The following SH3BP5 variants were observed in gnomAD, a reference collection of about 807,000 sequenced individuals.
SH3BP5 encodes SH3 domain binding protein 5, also known as SH3 domain-binding protein 5.
SH3BP5 carries 22 observed loss-of-function variants against 43.3 expected under a neutral mutation model. The ratio of observed to expected loss-of-function variants is 0.51; its 90% CI spans 0.36 to 0.73. The LOEUF (loss-of-function observed/expected upper bound fraction) is 0.73, where lower values mean the gene tolerates loss of function less well. Ranked by LOEUF, SH3BP5 falls within the 30% of genes least tolerant of loss-of-function variation. The probability of loss-of-function intolerance (pLI) is 0.00; values close to 1 mark genes in which losing one functional copy is unlikely to be tolerated. For missense variants in SH3BP5, 529 were observed against 586.9 expected (o/e 0.90, Z 1.02); for synonymous variants, 255 against 225.8 (o/e 1.13, Z -1.16).
chr3:15,320,162 G>A (rs1327726024), intron 2 of SH3BP5, among the ~76,000 whole-genome samples: 2 of 152,164 alleles, frequency 1.3e-5, no homozygotes, highest in Non-Finnish European at 2.9e-5. Flanking sequence ...CATTCATCAT[G>A]CTTTGGTTGG....
chr3:15,328,147 C>T (rs1354197477), intron 2 of SH3BP5, among the ~76,000 whole-genome samples: 1 of 152,146 alleles, frequency 6.6e-6, no homozygotes, highest in African/African-American at 2.4e-5. Context: ...GGCCACCCCC[C>T]TCACACCCTC....
At chr3:15,259,212 C>T (rs1696338453) in intron 6 of SH3BP5, 162 bp from the exon 7 acceptor site, 1 of 637,066 alleles carries the variant, frequency 1.6e-6, no homozygotes, top group Non-Finnish European at 2.7e-6. Flanking sequence ...TATTCATTCA[C>T]CAGACAAAAT....
intron 3 of SH3BP5, among the ~76,000 whole-genome samples, chr3:15,284,931 G>C (rs1697224780): frequency 6.6e-6 from 1 of 152,146 alleles, no homozygotes; most frequent in South Asian, 2.1e-4. Flanking sequence ...CCAGACCCAG[G>C]ACCTTTGGAG....
At chr3:15,306,311 A>G (rs960786158) in intron 2 of SH3BP5, among the ~76,000 whole-genome samples, 1 of 152,174 alleles carries the variant, frequency 6.6e-6, no homozygotes, top group African/African-American at 2.4e-5. Flanking sequence ...GTGAGCTAAG[A>G]TCGCGCCACT....
At chr3:15,332,201 T>A (rs1698629144) in intron 1 of SH3BP5, 70 bp downstream of exon 1, 3 of 1,542,004 alleles carry the variant, frequency 1.9e-6, no homozygotes, top group Admixed American at 1.9e-5. Flanking sequence ...GAAGTGGCTG[T>A]ACGCGTAGAC....
intron 3 of SH3BP5, among the ~76,000 whole-genome samples, chr3:15,296,148 T>C (rs1697562613): frequency 1.3e-5 from 2 of 152,204 alleles, no homozygotes; most frequent in Admixed American, 1.3e-4. Context: ...CTACCACAGA[T>C]AATGAGAACT....
intron 2 of SH3BP5, among the ~76,000 whole-genome samples, chr3:15,329,562 C>CG (rs1698558042): frequency 1.3e-5 from 2 of 152,198 alleles, no homozygotes; most frequent in South Asian, 4.1e-4. Context: ...CCAGGGCCTA[C>CG]GCACGCAGCA....
At chr3:15,308,573 A>AGCAC (rs1697972708) in intron 2 of SH3BP5, among the ~76,000 whole-genome samples, 1 of 152,190 alleles carries the variant, frequency 6.6e-6, no homozygotes, top group Non-Finnish European at 1.5e-5. Context: ...TCGACCCTCC[A>AGCAC]GCACGGACGG....
intron 2 of SH3BP5, among the ~76,000 whole-genome samples, chr3:15,308,300 C>T (rs772087304): frequency 2.7e-4 from 41 of 152,204 alleles, no homozygotes; most frequent in Non-Finnish European, 4.0e-4. Context: ...TTTAACCCCA[C>T]CAATTTGTGC....
intron 3 of SH3BP5, among the ~76,000 whole-genome samples, chr3:15,302,808 CTTTCT>C (rs1203069051): frequency 6.6e-6 from 1 of 150,790 alleles, no homozygotes; most frequent in Non-Finnish European, 1.5e-5. Flanking sequence ...CTCATTTTTT[CTTTCT>C]TTTTTTTTTT....
chr3:15,309,148 G>A (rs1268073832), intron 2 of SH3BP5, among the ~76,000 whole-genome samples: 1 of 152,118 alleles, frequency 6.6e-6, no homozygotes, highest in African/African-American at 2.4e-5. Flanking sequence ...AAAAAATCAA[G>A]AAGTAGTCAC....
intron 4 of SH3BP5, among the ~76,000 whole-genome samples, chr3:15,265,558 AC>A (rs1223372907): frequency 7.4e-6 from 1 of 134,560 alleles, no homozygotes; most frequent in Admixed American, 7.2e-5. Context: ...ACACACACAC[AC>A]AACCCTCCAG....
chr3:15,283,121 G>A (rs1697172226), intron 3 of SH3BP5, among the ~76,000 whole-genome samples: 1 of 152,220 alleles, frequency 6.6e-6, no homozygotes, highest in African/African-American at 2.4e-5. Context: ...AACAAGACCA[G>A]GTGCGGTGGC....
intron 3 of SH3BP5, among the ~76,000 whole-genome samples, chr3:15,280,211 A>T (rs1408071397): frequency 6.6e-6 from 1 of 152,074 alleles, no homozygotes; most frequent in Admixed American, 6.6e-5. Context: ...GCAACCCCAT[A>T]GATGCCAGGC....
intron 1 of SH3BP5, 85 bp from the exon 2 acceptor site, chr3:15,330,651 A>T: frequency 7.2e-7 from 1 of 1,388,920 alleles, no homozygotes; most frequent in Non-Finnish European, 9.4e-7. Flanking sequence ...CTGAAAAATT[A>T]CCCCAGCCCA....
chr3:15,264,882 A>G (rs1346662177), intron 4 of SH3BP5, among the ~76,000 whole-genome samples: 1 of 152,106 alleles, frequency 6.6e-6, no homozygotes, highest in Non-Finnish European at 1.5e-5. Context: ...TTTTATTACA[A>G]AAAGATCCAA....
At chr3:15,332,642 GC>G, upstream of SH3BP5, 2 of 1,165,252 alleles carry the variant, frequency 1.7e-6, no homozygotes, top group Middle Eastern at 3.5e-4. Flanking sequence ...CGCCCGCTCC[GC>G]CCCCGTCCCG....
intron 3 of SH3BP5, among the ~76,000 whole-genome samples, chr3:15,299,718 A>C (rs539883092): frequency 1.5e-4 from 23 of 152,088 alleles, no homozygotes; most frequent in Non-Finnish European, 2.5e-4. Flanking sequence ...CCAGGCTGAA[A>C]TTACAAATCT....
At chr3:15,273,266 T>A in intron 3 of SH3BP5, 1 of 985,430 alleles carries the variant, frequency 1.0e-6, no homozygotes, top group East Asian at 1.1e-4. Context: ...CTGCTTCAGT[T>A]ATGAATCCCT....
Sources: allele counts gnomAD v4.1 joint callset (sites outside exome capture counted in the v4.1 genomes callset), GRCh38; gene constraint gnomAD v4.1.1; transcripts MANE v1.5; gene names NCBI Gene and HGNC (gene_info 2026-07-23, HGNC 2026-07-21).